BCL2L11: variants seen among roughly 807,000 people sequenced by gnomAD.
BCL2L11 encodes bcl-2-like protein 11.
In BCL2L11, 15 loss-of-function variants were observed where a neutral mutation model predicts 20.6. That is an observed-to-expected ratio of 0.73 (90% confidence interval 0.49 to 1.12). The LOEUF (loss-of-function observed/expected upper bound fraction) is 1.12, where lower values mean the gene tolerates loss of function less well. Among genes scored for constraint, BCL2L11 ranks in the 50% most tolerant of loss-of-function variants. The pLI is 0.00. For synonymous variants in BCL2L11, 108 were observed against 92.8 expected, an observed-to-expected ratio of 1.16 and a Z score of -0.94; for missense variants, 292 against 260.9, an observed-to-expected ratio of 1.12 and a Z score of -0.82.
chr2:111,123,364 A>G (rs988922330), intron 1 of BCL2L11: 12 of 985,364 alleles, frequency 1.2e-5, no homozygotes, highest in Non-Finnish European at 1.3e-5. Context: ...CCGGCGTCCT[A>G]CCTAACCCCG....
chr2:111,154,461 C>T (rs2077605264), intron 3 of BCL2L11, among the ~76,000 whole-genome samples: 1 of 152,032 alleles, frequency 6.6e-6, no homozygotes, highest in Admixed American at 6.6e-5. Context: ...TGGAACCGTT[C>T]CTCTGTCTTT....
rs543276501 is a variant in BCL2L11 at position 111,158,528 on chromosome 2, T to C, written c.499-5605T>C. Among the ~76,000 whole-genome samples the C allele has an allele frequency of 5.3e-5, 8 of 151,260 alleles. No individual in the cohort carries two copies. The East Asian group carries it at 1.4e-3, about 26-fold the overall frequency. Reference sequence around the variant, plus strand: ...CACAGTCCAAAATTCAGCCTCCTATTATATATAATGTATAATAATTTATAG... The same window carrying C: ...CACAGTCCAAAATTCAGCCTCCTATCATATATAATGTATAATAATTTATAG... On this transcript the variant is annotated intron_variant, in intron 3 of 3. Transcript: ENST00000393256.
intron 2 of BCL2L11, chr2:111,132,289 A>C (rs1047920919): frequency 1.3e-5 from 2 of 152,232 alleles, no homozygotes; most frequent in Non-Finnish European, 2.9e-5. Context: ...AATACTGTTA[A>C]TATGCACACA....
chr2:111,135,392 C>T (rs1023465631), intron 2 of BCL2L11, among the ~76,000 whole-genome samples: 1 of 152,074 alleles, frequency 6.6e-6, no homozygotes, highest in Non-Finnish European at 1.5e-5. Context: ...TTATTGTGTC[C>T]AGTTGTTGGG....
intron 2 of BCL2L11, among the ~76,000 whole-genome samples, chr2:111,125,129 C>G (rs2072259262): frequency 6.6e-6 from 1 of 152,218 alleles, no homozygotes; most frequent in African/African-American, 2.4e-5. Context: ...CATGTGGTCT[C>G]AGGGTGGGTT....
chr2:111,130,960 G>A (rs181468531), intron 2 of BCL2L11, among the ~76,000 whole-genome samples: 120 of 152,232 alleles, frequency 7.9e-4, no homozygotes, highest in Non-Finnish European at 1.5e-3. Context: ...CAAATCCTGC[G>A]TGGGTAGGGT....
At chr2:111,148,700 A>T (rs576642821) in intron 2 of BCL2L11, among the ~76,000 whole-genome samples, 1 of 152,244 alleles carries the variant, frequency 6.6e-6, no homozygotes, top group South Asian at 2.1e-4. Context: ...ATAACTCTGG[A>T]GGGGATCGGT....
chr2:111,167,525 C>T lies in BCL2L11; in HGVS notation c.*3294C>T, dbSNP rs758509511. On this transcript the variant is annotated 3_prime_UTR_variant, in exon 4 of 4. Coordinates refer to ENST00000393256, the MANE Select transcript of BCL2L11 (RefSeq NM_138621.5). ...AGATTTTTCTATTGAAAATTTATCC[C>T]TGACAACTCAGCGTTTAGAAAAGAA... is the stretch of plus-strand genomic sequence containing the variant. 8.5e-5 allele frequency: 13 copies of T among 152,210 alleles called. No individual in the cohort carries two copies. The highest frequency in any genetic ancestry group is 1.5e-4 in the Non-Finnish European group (10 of 68,034). 9.4% of individuals were successfully genotyped at this position (152,210 alleles called of 1,614,324 possible).
intron 2 of BCL2L11, among the ~76,000 whole-genome samples, chr2:111,132,544 A>G (rs2074138261): frequency 1.3e-5 from 2 of 152,208 alleles, no homozygotes; most frequent in African/African-American, 4.8e-5. Flanking sequence ...GTCTCATTAT[A>G]CTTAGCCTGA....
In BCL2L11 at chr2:111,161,195, C is replaced by T. The variant is rs146629585; in HGVS notation, c.499-2938C>T. Among the ~76,000 whole-genome samples the T allele has an allele frequency of 7.9e-3, 1,203 of 152,148 alleles. 24 individuals are homozygous for T. The highest frequency in any genetic ancestry group is 0.028 in the African/African-American group (1,159 of 41,474). The stretch of plus-strand genomic sequence containing the variant: ...CCACTTACAGTCACAGCCTGAGGTC[C>T]GGGGGGTTAGGACTGCAACAGATGA... On this transcript the variant is annotated intron_variant, in intron 3 of 3. Coordinates refer to ENST00000393256, the MANE Select transcript of BCL2L11 (RefSeq NM_138621.5).
chr2:111,123,599 A>T, intron 1 of BCL2L11, 134 bp from the exon 2 acceptor site: 2 of 1,215,908 alleles, frequency 1.6e-6, no homozygotes, highest in Non-Finnish European at 2.1e-6. Context: ...TATTTGGGAG[A>T]TTGTCAGAAA....
chr2:111,162,943 TCA>T (rs1348361680), intron 3 of BCL2L11: 1 of 152,170 alleles, frequency 6.6e-6, no homozygotes, highest in African/African-American at 2.4e-5. Context: ...CAGATAAAAA[TCA>T]CAGACTGTGG....
At chr2:111,141,320 A>C (rs911091418) in intron 2 of BCL2L11, among the ~76,000 whole-genome samples, 1 of 151,686 alleles carries the variant, frequency 6.6e-6, no homozygotes, top group African/African-American at 2.4e-5. Context: ...TACACCATGG[A>C]ATACTATGCA....
chr2:111,130,863 T>C (rs945055556), intron 2 of BCL2L11, among the ~76,000 whole-genome samples: 1 of 152,216 alleles, frequency 6.6e-6, no homozygotes. Context: ...CCAGTTGATA[T>C]GATCCCATGA....
At chr2:111,136,253 C>T (rs772320537) in intron 2 of BCL2L11, among the ~76,000 whole-genome samples, 7 of 152,228 alleles carry the variant, frequency 4.6e-5, no homozygotes, top group Non-Finnish European at 7.3e-5. Flanking sequence ...TCTTCTGCAG[C>T]ATGCTGTCCA....
At position 111,139,684 on chromosome 2, in the gene BCL2L11, C is replaced by G. The variant is rs189963873; in HGVS notation, c.395-10360C>G. 2.6e-5 allele frequency among the ~76,000 whole-genome samples: 4 copies of G among 152,230 alleles called. No individual in the cohort carries two copies. In the East Asian group the frequency reaches 7.7e-4, roughly 29 times the overall value. On this transcript the variant is annotated intron_variant, in intron 2 of 3. Transcript: ENST00000393256. ...ACACTATGAGGTAGCGGAAGTAAAC[C>G]GTCAGTATAAACAACATGTACCCGG... is the stretch of plus-strand genomic sequence containing the variant.
chr2:111,161,116 C>T lies in BCL2L11; in HGVS notation c.499-3017C>T, dbSNP rs114280144. Among the ~76,000 whole-genome samples, 1,508 of 152,246 alleles carry T rather than the reference C, an allele frequency of 9.9e-3. 32 individuals are homozygous for T. Among genetic ancestry groups the T allele is most frequent in the African/African-American group, 0.034 (1,408 of 41,528 alleles). On this transcript the variant is annotated intron_variant, in intron 3 of 3. Transcript: ENST00000393256. ...CTTACCAGAACACCGTGGATTAGAG[C>T]CCACCCCACAGTGACCTCATTTTAA...
Position 111,167,384 on chromosome 2 carries a change from C to A in BCL2L11, c.*3153C>A, listed in dbSNP as rs1177410081. On this transcript the variant is annotated 3_prime_UTR_variant, in exon 4 of 4. Transcript: ENST00000393256. ...TACAAAATTCTACTCCAAGAAATAC[C>A]CAGCAACCTTCTGTTTGTTCCAAAG... The A allele has an allele frequency of 6.6e-6, 1 of 152,208 alleles. No homozygotes were observed. 9.4% of individuals were successfully genotyped at this position (152,208 alleles called of 1,614,324 possible). A position where few individuals can be genotyped will look rare whatever the true frequency, so the allele number is the denominator to read the frequency against.
At chr2:111,151,920 T>A (rs1272092385) in intron 3 of BCL2L11, 12 of 1,503,174 alleles carry the variant, frequency 8.0e-6, no homozygotes, top group Admixed American at 2.0e-5. Context: ...TTTGGTTGGT[T>A]TTATAACTTG....
Sources: allele counts gnomAD v4.1 joint callset (sites outside exome capture counted in the v4.1 genomes callset), GRCh38; gene constraint gnomAD v4.1.1; transcripts MANE v1.5; gene names NCBI Gene and HGNC (gene_info 2026-07-23, HGNC 2026-07-21).